Variants in PELI2 observed in about 807,000 individuals in gnomAD.
PELI2 encodes the protein E3 ubiquitin-protein ligase pellino homolog 2.
Under a neutral mutation model 42.3 loss-of-function variants are expected in PELI2, and 23 were observed. That is an observed-to-expected ratio of 0.54 (90% CI 0.39 to 0.77). PELI2 has a LOEUF of 0.77. Ranked by LOEUF, PELI2 falls within the 30% of genes least tolerant of loss-of-function variation. The pLI, the probability that PELI2 is intolerant of heterozygous loss-of-function variation, is 0.00. For missense variants in PELI2, 463 were observed against 553.2 expected, an observed-to-expected ratio of 0.84 and a Z score of 1.64; for synonymous variants, 245 against 212.2, an observed-to-expected ratio of 1.15 and a Z score of -1.34.
intron 2 of PELI2, among the ~76,000 whole-genome samples, chr14:56,272,565 A>G (rs1346509951): frequency 6.6e-6 from 1 of 152,154 alleles, no homozygotes; most frequent in African/African-American, 2.4e-5. Context: ...TCTTGCTCTA[A>G]ATGTATTAAG....
chr14:56,280,225 G>A (rs1303557649), intron 3 of PELI2, among the ~76,000 whole-genome samples: 1 of 152,002 alleles, frequency 6.6e-6, no homozygotes, highest in Non-Finnish European at 1.5e-5. Flanking sequence ...ATTATTAAGA[G>A]GAGGGAAAGA....
intron 2 of PELI2, among the ~76,000 whole-genome samples, chr14:56,244,033 C>A (rs1888067734): frequency 6.6e-6 from 1 of 152,162 alleles, no homozygotes; most frequent in Non-Finnish European, 1.5e-5. Flanking sequence ...CATTTTCAGA[C>A]AGAGTACAGT....
chr14:56,245,813 A>G (rs1157672453), intron 2 of PELI2, among the ~76,000 whole-genome samples: 3 of 152,250 alleles, frequency 2.0e-5, no homozygotes, highest in African/African-American at 7.2e-5. Flanking sequence ...CATAATAGCT[A>G]TTAACATAGC....
At chr14:56,168,665 C>T (rs376628898) in intron 1 of PELI2, among the ~76,000 whole-genome samples, 2 of 151,930 alleles carry the variant, frequency 1.3e-5, no homozygotes, top group Non-Finnish European at 2.9e-5. Flanking sequence ...TGCTCTACCC[C>T]CCTGTGGCCG....
Position 56,290,254 on chromosome 14 carries a change from T to A in PELI2, c.508-14T>A. ...TCTTAACCTACTTTTTCTGTTCTGC[T>A]GTGTTCTCTCCAGGAAAAGGCAGCA... On this transcript the variant is annotated splice_polypyrimidine_tract_variant and intron_variant, in intron 4 of 5. Transcript: ENST00000267460. The A allele has an allele frequency of 1.3e-6, 2 of 1,545,596 alleles. No homozygotes were observed. Among genetic ancestry groups the A allele is most frequent in the Non-Finnish European group, 1.8e-6 (2 of 1,138,208 alleles).
At chr14:56,126,435 C>G (rs965925124) in intron 1 of PELI2, among the ~76,000 whole-genome samples, 1 of 152,222 alleles carries the variant, frequency 6.6e-6, no homozygotes, top group Non-Finnish European at 1.5e-5. Context: ...CTCTGCTTAT[C>G]CCTGCTTTTC....
chr14:56,164,157 C>T (rs1375250301), intron 1 of PELI2, among the ~76,000 whole-genome samples: 2 of 151,960 alleles, frequency 1.3e-5, no homozygotes, highest in African/African-American at 4.8e-5. Flanking sequence ...TTCCCCATTC[C>T]GTATGATACT....
rs1484738790 is a variant in PELI2 at position 56,131,853 on chromosome 14, C to G, written c.77+13116C>G. Among the ~76,000 whole-genome samples, 9 of 152,268 alleles carry G rather than the reference C, an allele frequency of 5.9e-5. No individual in the cohort carries two copies. The East Asian group carries it at 1.2e-3, about 20-fold the overall frequency. On this transcript the variant is annotated intron_variant, in intron 1 of 5. Transcript: ENST00000267460. ...ACTTGGTGTTGTATAAAAACTACCA[C>G]ACTCCAGCCTGGGCGACACAGTGAA...
chr14:56,238,770 A>G (rs1012609269), intron 2 of PELI2, among the ~76,000 whole-genome samples: 2 of 152,226 alleles, frequency 1.3e-5, no homozygotes, highest in African/African-American at 4.8e-5. Flanking sequence ...GGTGAGTGGC[A>G]GATTCCGGGC....
intron 1 of PELI2, among the ~76,000 whole-genome samples, chr14:56,141,426 G>C (rs1291566089): frequency 6.6e-6 from 1 of 152,038 alleles, no homozygotes; most frequent in Non-Finnish European, 1.5e-5. Flanking sequence ...TTTCGTCTTT[G>C]GTCTGTTAGG....
intron 2 of PELI2, among the ~76,000 whole-genome samples, chr14:56,208,609 TG>T (rs1472837652): frequency 5.3e-5 from 8 of 152,184 alleles, no homozygotes; most frequent in African/African-American, 1.4e-4. Flanking sequence ...GTATCTGCAG[TG>T]AAAAAAATGC....
intron 2 of PELI2, among the ~76,000 whole-genome samples, chr14:56,227,160 A>G (rs946137881): frequency 1.3e-5 from 2 of 152,230 alleles, no homozygotes; most frequent in African/African-American, 4.8e-5. Context: ...AGAAGTCATT[A>G]GGTGGGCCTG....
intron 1 of PELI2, among the ~76,000 whole-genome samples, chr14:56,126,055 A>G (rs184361818): frequency 2.3e-4 from 35 of 152,326 alleles, no homozygotes; most frequent in African/African-American, 6.5e-4. Context: ...GAAACTAAAC[A>G]TGTGCTTTAC....
intron 1 of PELI2, among the ~76,000 whole-genome samples, chr14:56,120,499 C>T (rs1883022678): frequency 6.6e-6 from 1 of 152,130 alleles, no homozygotes; most frequent in Admixed American, 6.5e-5. Flanking sequence ...TCCACAGGAG[C>T]CCGGGATATA....
chr14:56,142,313 G>C (rs1883941701), intron 1 of PELI2, among the ~76,000 whole-genome samples: 1 of 152,104 alleles, frequency 6.6e-6, no homozygotes, highest in African/African-American at 2.4e-5. Context: ...AATATGGTGG[G>C]CTTGCGAGAG....
chr14:56,172,820 C>A lies in PELI2; in HGVS notation c.78-5515C>A, dbSNP rs544671746. On this transcript the variant is annotated intron_variant, in intron 1 of 5. Coordinates refer to ENST00000267460, the MANE Select transcript of PELI2 (RefSeq NM_021255.3). ...AGATCACCAATGACTCATTCTTTTC[C>A]AAATCGTGGTTGTGCATTTTCTTTC... is the stretch of plus-strand genomic sequence containing the variant. Among the ~76,000 whole-genome samples, 16 of 152,254 alleles carry A rather than the reference C, an allele frequency of 1.1e-4. No homozygotes were observed. The South Asian group carries it at 3.1e-3, about 30-fold the overall frequency.
chr14:56,182,506 C>G (rs1202937091), intron 2 of PELI2, among the ~76,000 whole-genome samples: 1 of 152,144 alleles, frequency 6.6e-6, no homozygotes, highest in Non-Finnish European at 1.5e-5. Context: ...CTATGGAAAA[C>G]TCTTCATGAT....
At chr14:56,123,536 C>T (rs1467727487) in intron 1 of PELI2, among the ~76,000 whole-genome samples, 17 of 152,032 alleles carry the variant, frequency 1.1e-4, no homozygotes, top group Admixed American at 1.1e-3. Context: ...GCTATATTTT[C>T]CTTTACTAAC....
intron 2 of PELI2, among the ~76,000 whole-genome samples, chr14:56,221,540 A>C (rs1027307704): frequency 2.6e-5 from 4 of 152,222 alleles, no homozygotes; most frequent in African/African-American, 4.8e-5. Flanking sequence ...TGTCTTCTCT[A>C]AAACTCCTTT....
Sources: gnomAD v4.1 joint callset for allele counts (sites outside exome capture counted in the v4.1 genomes callset) on GRCh38, gnomAD v4.1.1 for gene constraint, MANE v1.5 for transcripts, NCBI Gene and HGNC (gene_info 2026-07-23, HGNC 2026-07-21) for gene names.